Variants in SLC28A1 observed in about 807,000 individuals in gnomAD.
SLC28A1 encodes solute carrier family 28 member 1, also known as sodium/nucleoside cotransporter 1.
Under a neutral mutation model 74.8 loss-of-function variants are expected in SLC28A1, and 64 were observed. That is an observed-to-expected ratio of 0.86 (90% CI 0.70 to 1.05). The LOEUF (loss-of-function observed/expected upper bound fraction) is 1.05. Among genes scored for constraint, SLC28A1 ranks in the 50% least tolerant of loss-of-function variants. The probability of loss-of-function intolerance (pLI) is 0.00; values close to 1 mark genes in which losing one functional copy is unlikely to be tolerated. For synonymous variants in SLC28A1, 359 were observed against 335.0 expected (o/e 1.07, Z -0.78); for missense variants, 828 against 822.8 (o/e 1.01, Z -0.08).
intron 15 of SLC28A1, chr15:84,938,621 G>A (rs1250547325): frequency 6.6e-6 from 1 of 152,028 alleles, no homozygotes; most frequent in African/African-American, 2.4e-5. Flanking sequence ...ATAAAAAGGA[G>A]AATTACACAG....
chr15:84,932,888 C>T lies in SLC28A1; in HGVS notation c.1084-257C>T, dbSNP rs186410029. 3.3e-5 allele frequency among the ~76,000 whole-genome samples: 5 copies of T among 152,264 alleles called. No individual in the cohort carries two copies. In the East Asian group the frequency reaches 9.6e-4, roughly 29 times the overall value. ...TCCTTTGGAGTCTCAGTTTTCTTGT[C>T]TGTAAAATGAAGATAACAATATTTG... is the stretch of plus-strand genomic sequence containing the variant. On this transcript the variant is annotated intron_variant, in intron 12 of 18. Transcript: ENST00000394573.
intron 5 of SLC28A1, among the ~76,000 whole-genome samples, chr15:84,892,245 T>C (rs1965446784): frequency 6.6e-6 from 1 of 152,024 alleles, no homozygotes; most frequent in African/African-American, 2.4e-5. Context: ...TGGGTACAGA[T>C]GCAGAGTCAT....
intron 15 of SLC28A1, among the ~76,000 whole-genome samples, chr15:84,943,101 G>T (rs1972896271): frequency 6.6e-6 from 1 of 152,164 alleles, no homozygotes; most frequent in African/African-American, 2.4e-5. Context: ...CAGGAGAATG[G>T]CTTGAACCCA....
chr15:84,935,196 T>C lies in SLC28A1; in HGVS notation c.1383+2T>C. 2.5e-6 allele frequency: 4 copies of C among 1,613,836 alleles called. No individual in the cohort carries two copies. Among genetic ancestry groups the C allele is most frequent in the Non-Finnish European group, 3.4e-6 (4 of 1,179,834 alleles). ...GACATCCAAGGGCTCAGCTTCCAGG[T>C]GCGTTTCTGGCCACCACACTCAGTC... On this transcript the variant is annotated splice_donor_variant, in intron 14 of 18. Transcript: ENST00000394573. LOFTEE classifies it high-confidence loss of function.
In SLC28A1 at chr15:84,927,051, T is replaced by G. The variant is rs905791575; in HGVS notation, c.1083+2941T>G. Among the ~76,000 whole-genome samples the G allele has an allele frequency of 2.0e-5, 3 of 152,150 alleles. No homozygotes were observed. The East Asian group carries it at 5.8e-4, about 29-fold the overall frequency. On this transcript the variant is annotated intron_variant, in intron 12 of 18. Coordinates refer to ENST00000394573, the MANE Select transcript of SLC28A1 (RefSeq NM_004213.5). ...TGCGTGACTTTTCAAGAAGTCCCCTTGGGCTCAGGGGCTTTGGTTTCTGGC... is the reference window on the plus strand; with the variant it reads ...TGCGTGACTTTTCAAGAAGTCCCCTGGGGCTCAGGGGCTTTGGTTTCTGGC...
At chr15:84,916,240 C>CAGGTGTGAGCCACCTTGCCTGGCCTT (rs1555449976) in intron 9 of SLC28A1, among the ~76,000 whole-genome samples, 1 of 98,424 alleles carries the variant, frequency 1.0e-5, no homozygotes, top group African/African-American at 4.9e-5. Context: ...GCTGGGATTA[C>CAGGTGTGAGCCACCTTGCCTGGCCTT]TTTTTTTTTT....
At chr15:84,909,108 G>A (rs184322269) in intron 9 of SLC28A1, among the ~76,000 whole-genome samples, 2 of 152,280 alleles carry the variant, frequency 1.3e-5, no homozygotes, top group Non-Finnish European at 2.9e-5. Context: ...TGGGGGTAGG[G>A]GTCATGGGGA....
the SLC28A1 span, among the ~76,000 whole-genome samples, chr15:84,971,712 C>T: frequency 2.0e-5 from 3 of 151,530 alleles, no homozygotes; most frequent in Admixed American, 6.6e-5. Context: ...TACACTGGCA[C>T]GATCTCAGCT....
At chr15:84,909,725 C>G (rs556809214) in intron 9 of SLC28A1, among the ~76,000 whole-genome samples, 2 of 152,346 alleles carry the variant, frequency 1.3e-5, no homozygotes, top group Non-Finnish European at 2.9e-5. Context: ...AGACCTGGGC[C>G]CCACTCACCC....
intron 7 of SLC28A1, among the ~76,000 whole-genome samples, chr15:84,904,793 T>G (rs753975629): frequency 1.7e-5 from 1 of 58,062 alleles, no homozygotes; most frequent in Non-Finnish European, 3.6e-5. Flanking sequence ...TTCTGATGTG[T>G]ACTAAATTCT....
the SLC28A1 span, among the ~76,000 whole-genome samples, chr15:84,952,088 G>A: frequency 1.3e-5 from 2 of 152,134 alleles, no homozygotes; most frequent in Non-Finnish European, 2.9e-5. Flanking sequence ...TAAGATCCGT[G>A]TTCCCTCCCC....
Position 84,887,806 on chromosome 15 carries a change from C to T in SLC28A1, c.46C>T (p.Pro16Ser), listed in dbSNP as rs1450790219. The T allele has an allele frequency of 6.2e-7, 1 of 1,614,130 alleles. No individual in the cohort carries two copies. Among genetic ancestry groups the T allele is most frequent in the African/African-American group, 1.3e-5 (1 of 75,050 alleles). Residue 16 changes from proline to serine, a missense_variant, in exon 3 of 19, where the codon CCT becomes TCT. Transcript: ENST00000394573. ...SRRRESISLT[P>S]VAKGLENMGA... ...ACGAAGAGAGTCCATCTCTCTCACA[C>T]CTGTGGCCAAGGGTCTGGAGAACAT...
intron 15 of SLC28A1, among the ~76,000 whole-genome samples, chr15:84,937,898 A>AGAAAC (rs1972134817): frequency 6.7e-6 from 1 of 149,404 alleles, no homozygotes; most frequent in Admixed American, 6.7e-5. Context: ...CTCTGTCTCA[A>AGAAAC]AAAACAAAAC....
chr15:84,931,879 G>A, intron 12 of SLC28A1, among the ~76,000 whole-genome samples: 1 of 151,874 alleles, frequency 6.6e-6, no homozygotes, highest in African/African-American at 2.4e-5. Context: ...GTGCACACCT[G>A]TAACCCCAGC....
the SLC28A1 span, among the ~76,000 whole-genome samples, chr15:84,961,939 G>C: frequency 3.3e-5 from 5 of 152,218 alleles, no homozygotes; most frequent in African/African-American, 1.2e-4. Flanking sequence ...CTCCTCCCCT[G>C]GCTCTTTCAA....
At chr15:84,886,918 C>A in intron 2 of SLC28A1, 131 bp downstream of exon 2, 1 of 364,960 alleles carries the variant, frequency 2.7e-6, no homozygotes, top group Non-Finnish European at 3.8e-6. Flanking sequence ...CCTAACTGGG[C>A]TGGCATTTGG....
chr15:84,942,470 A>G (rs1337169675), intron 15 of SLC28A1, among the ~76,000 whole-genome samples: 1 of 152,234 alleles, frequency 6.6e-6, no homozygotes, highest in Non-Finnish European at 1.5e-5. Context: ...GGGAAATAGG[A>G]CAGTTGTTAA....
chr15:84,895,515 T>G, intron 6 of SLC28A1: 1 of 1,571,046 alleles, frequency 6.4e-7, no homozygotes, highest in Non-Finnish European at 8.6e-7. Flanking sequence ...GTGCTGGTAT[T>G]TTTCATTAGC....
intron 8 of SLC28A1, among the ~76,000 whole-genome samples, chr15:84,907,356 T>G (rs56022784): frequency 0.075 from 11,411 of 152,276 alleles, 619 homozygotes; most frequent in Non-Finnish European, 0.11. Flanking sequence ...AGCTAATTTT[T>G]CTATTTTTGG....
Sources: gnomAD v4.1 joint callset for allele counts (sites outside exome capture counted in the v4.1 genomes callset) on GRCh38, gnomAD v4.1.1 for gene constraint, MANE v1.5 for transcripts, NCBI Gene and HGNC (gene_info 2026-07-23, HGNC 2026-07-21) for gene names.